Variants in TMPRSS15 observed in about 807,000 individuals in gnomAD.
The protein encoded by TMPRSS15 is enteropeptidase.
Under a neutral mutation model 125.3 loss-of-function variants are expected in TMPRSS15, and 128 were observed. The observed-to-expected ratio is 1.02, with a 90% CI of 0.89 to 1.18. TMPRSS15 has a LOEUF of 1.18. Ranked by LOEUF, TMPRSS15 falls within the 50% of genes most tolerant of loss-of-function variation. The pLI is 0.00. For synonymous variants in TMPRSS15, 446 were observed against 423.2 expected (o/e 1.05, Z -0.66); for missense variants, 1,283 against 1,212.7 (o/e 1.06, Z -0.86).
At chr21:18,303,350 GAAGA>G (rs1435945290) in intron 18 of TMPRSS15, among the ~76,000 whole-genome samples, 2 of 152,042 alleles carry the variant, frequency 1.3e-5, no homozygotes, top group Non-Finnish European at 2.9e-5. Flanking sequence ...TATGAGGAAA[GAAGA>G]AAGAAAATGA....
intron 3 of TMPRSS15, among the ~76,000 whole-genome samples, chr21:18,396,517 G>C (rs1216621561): frequency 1.3e-5 from 2 of 152,122 alleles, no homozygotes; most frequent in Non-Finnish European, 2.9e-5. Flanking sequence ...GCTCATGCCT[G>C]TAATCCCAGC....
rs2075472463 is a variant in TMPRSS15 at position 18,343,558 on chromosome 21, C to A, written c.1376G>T (p.Gly459Val). Reference sequence around the variant, plus strand: ...TACTTGTCCATAATTCCAATTGTCTCCATAATTTCCTTCCTTTTGGAAAAC... The same window carrying A: ...TACTTGTCCATAATTCCAATTGTCTACATAATTTCCTTCCTTTTGGAAAAC... ...KTVFQKEGNY[G>V]DNWNYGQVTL... The change falls in exon 12 of 25, where the codon GGA becomes GTA. Residue 459 changes from glycine (G) to valine (V), a missense_variant. Coordinates refer to ENST00000284885, the MANE Select transcript of TMPRSS15 (RefSeq NM_002772.3). 2 of 1,613,326 alleles carry A rather than the reference C, an allele frequency of 1.2e-6. No homozygotes were observed. The highest frequency in any genetic ancestry group is 1.7e-5 in the Admixed American group (1 of 59,982).
chr21:18,337,574 G>A (rs970291228), intron 13 of TMPRSS15, among the ~76,000 whole-genome samples: 2 of 152,166 alleles, frequency 1.3e-5, no homozygotes, highest in Non-Finnish European at 2.9e-5. Flanking sequence ...GCAGCAGAAA[G>A]TTATTAAAGT....
intron 1 of TMPRSS15, among the ~76,000 whole-genome samples, chr21:18,471,199 GATA>G (rs971674374): frequency 5.9e-5 from 9 of 151,994 alleles, no homozygotes; most frequent in East Asian, 3.9e-4. Flanking sequence ...AGCTGGTTTT[GATA>G]ATAACAACAA....
chr21:18,363,197 T>G (rs1161580560), intron 7 of TMPRSS15, among the ~76,000 whole-genome samples: 1 of 152,136 alleles, frequency 6.6e-6, no homozygotes, highest in Non-Finnish European at 1.5e-5. Flanking sequence ...AGATTATTTG[T>G]GTGATTAATT....
chr21:18,423,057 T>TC, intron 1 of TMPRSS15, among the ~76,000 whole-genome samples: 1 of 152,314 alleles, frequency 6.6e-6, no homozygotes, highest in Non-Finnish European at 1.5e-5. Context: ...GGTCTTAGCT[T>TC]CCTCTGCAGT....
chr21:18,452,181 A>G (rs1037663896), intron 1 of TMPRSS15, among the ~76,000 whole-genome samples: 2 of 152,156 alleles, frequency 1.3e-5, no homozygotes, highest in Admixed American at 6.5e-5. Flanking sequence ...GAGGTTGGAT[A>G]TGTTAGTAAC....
At chr21:18,303,022 C>G (rs1168247661) in intron 18 of TMPRSS15, among the ~76,000 whole-genome samples, 1 of 152,124 alleles carries the variant, frequency 6.6e-6, no homozygotes, top group East Asian at 1.9e-4. Context: ...AGTGAAATTT[C>G]CTTTAGAATT....
chr21:18,274,093 G>C (rs2074591771), intron 24 of TMPRSS15, among the ~76,000 whole-genome samples: 1 of 152,042 alleles, frequency 6.6e-6, no homozygotes, highest in Non-Finnish European at 1.5e-5. Context: ...AATGCTAGCA[G>C]GTTTAATCCA....
At chr21:18,355,594 T>C (rs2075617298) in intron 8 of TMPRSS15, among the ~76,000 whole-genome samples, 1 of 151,750 alleles carries the variant, frequency 6.6e-6, no homozygotes, top group African/African-American at 2.4e-5. Flanking sequence ...GGGTAGTGGT[T>C]AAGAGCAGGG....
At chr21:18,394,151 C>T (rs1382886950) in intron 3 of TMPRSS15, among the ~76,000 whole-genome samples, 1 of 152,272 alleles carries the variant, frequency 6.6e-6, no homozygotes, top group East Asian at 1.9e-4. Flanking sequence ...CTACCCTCCC[C>T]TTGTGCAAAG....
chr21:18,355,960 T>G (rs1416779908), intron 8 of TMPRSS15, among the ~76,000 whole-genome samples: 3 of 151,876 alleles, frequency 2.0e-5, no homozygotes, highest in Non-Finnish European at 4.4e-5. Flanking sequence ...AGACAGGGTT[T>G]GTGTTGAAAG....
chr21:18,465,932 A>G (rs1455556465), intron 1 of TMPRSS15, among the ~76,000 whole-genome samples: 2 of 152,202 alleles, frequency 1.3e-5, no homozygotes, highest in Admixed American at 6.5e-5. Context: ...ATATGGAACC[A>G]AAAAAGAGCA....
chr21:18,397,741 G>A (rs970490096), intron 3 of TMPRSS15, 138 bp downstream of exon 3: 2 of 531,350 alleles, frequency 3.8e-6, no homozygotes, highest in African/African-American at 3.9e-5. Context: ...TTTATGCTGT[G>A]CCACTTTGCT....
chr21:18,353,115 G>T (rs112626659), intron 9 of TMPRSS15, 63 bp from the exon 10 acceptor site: 3 of 1,422,970 alleles, frequency 2.1e-6, no homozygotes, highest in Admixed American at 1.7e-5. Flanking sequence ...AGTTATATTA[G>T]ATTGTATTGA....
intron 21 of TMPRSS15, among the ~76,000 whole-genome samples, chr21:18,283,332 C>T (rs1209765044): frequency 6.8e-6 from 1 of 147,422 alleles, no homozygotes; most frequent in Admixed American, 6.9e-5. Context: ...TGACAGGTAA[C>T]AAGTAGTTAC....
At chr21:18,313,175 G>T in intron 17 of TMPRSS15, 98 bp from the exon 18 acceptor site, 1 of 813,702 alleles carries the variant, frequency 1.2e-6, no homozygotes, top group Non-Finnish European at 2.1e-6. Flanking sequence ...ATTTAGACAG[G>T]AGGAATAAGT....
rs1427644156 is a variant in TMPRSS15 at position 18,383,653 on chromosome 21, A to G, written c.470T>C (p.Ile157Thr). 4 of 1,613,984 alleles carry G rather than the reference A, an allele frequency of 2.5e-6. No individual in the cohort carries two copies. The highest frequency in any genetic ancestry group is 1.1e-5 in the South Asian group (1 of 91,076). ...NKSSQLVTFH[I>T]DLNSVDILDK... ...TAGGATATCAACGCTGTTCAAATCA[A>G]TATGGAAAGTGACCAGTTGGCTGGA... Residue 157 changes from isoleucine to threonine, a missense_variant, in exon 4 of 25, where the codon ATT (isoleucine) becomes ACT (threonine). By Grantham distance (89) the Ile-to-Thr change is moderately conservative. Transcript: ENST00000284885.
chr21:18,389,784 T>C (rs1361534578), intron 3 of TMPRSS15, among the ~76,000 whole-genome samples: 1 of 152,162 alleles, frequency 6.6e-6, no homozygotes, highest in Admixed American at 6.5e-5. Context: ...TTTTGGTCAC[T>C]AAAACTAAGG....
Sources: allele counts gnomAD v4.1 joint callset (sites outside exome capture counted in the v4.1 genomes callset), GRCh38; gene constraint gnomAD v4.1.1; transcripts MANE v1.5; gene names NCBI Gene and HGNC (gene_info 2026-07-23, HGNC 2026-07-21).